MCTP1: variants seen among roughly 807,000 people sequenced by gnomAD.
MCTP1 encodes multiple C2 and transmembrane domain containing 1, also known as multiple C2 and transmembrane domain-containing protein 1.
In MCTP1, 69 loss-of-function variants were observed where a neutral mutation model predicts 120.6. That is an observed-to-expected ratio of 0.57 (90% CI 0.47 to 0.70). The LOEUF is 0.70. MCTP1 is among the 30% of genes least tolerant of loss of function. The probability of loss-of-function intolerance (pLI) is 0.00; values close to 1 mark genes in which losing one functional copy is unlikely to be tolerated. For synonymous variants in MCTP1, 529 were observed against 493.1 expected (o/e 1.07, Z -0.96); for missense variants, 1,203 against 1,248.8 (o/e 0.96, Z 0.55).
At chr5:94,764,857 A>G (rs1221045390) in intron 19 of MCTP1, among the ~76,000 whole-genome samples, 1 of 151,648 alleles carries the variant, frequency 6.6e-6, no homozygotes, top group Non-Finnish European at 1.5e-5. Context: ...AAAAAATCAA[A>G]CAAACATTGG....
intron 18 of MCTP1, among the ~76,000 whole-genome samples, chr5:94,797,855 A>T (rs1027902531): frequency 6.6e-6 from 1 of 152,150 alleles, no homozygotes; most frequent in African/African-American, 2.4e-5. Flanking sequence ...ATTATTTTGA[A>T]GAATTTTATA....
At chr5:94,888,735 G>A (rs2153384234) in intron 12 of MCTP1, 144 bp downstream of exon 12, 1 of 520,778 alleles carries the variant, frequency 1.9e-6, no homozygotes, top group Non-Finnish European at 3.4e-6. Flanking sequence ...CAGGGGGTTG[G>A]CAAATATTTC....
chr5:94,707,693 C>T (rs1177800919), intron 22 of MCTP1, 126 bp from the exon 23 acceptor site: 6 of 689,954 alleles, frequency 8.7e-6, no homozygotes, highest in Middle Eastern at 2.5e-4. Flanking sequence ...TGTATGGGAT[C>T]TGCAGCTGAG....
intron 1 of MCTP1, among the ~76,000 whole-genome samples, chr5:95,097,160 TAATC>T (rs1291585835): frequency 6.6e-6 from 1 of 152,022 alleles, no homozygotes; most frequent in Non-Finnish European, 1.5e-5. Context: ...ATTCTAAAAA[TAATC>T]AATGTTAATG....
At chr5:94,948,850 T>C (rs1435828576) in intron 3 of MCTP1, among the ~76,000 whole-genome samples, 1 of 152,140 alleles carries the variant, frequency 6.6e-6, no homozygotes, top group Non-Finnish European at 1.5e-5. Flanking sequence ...ATGAGAATCA[T>C]TGATATGTGA....
chr5:94,983,665 G>A (rs201030295), intron 2 of MCTP1, among the ~76,000 whole-genome samples: 1,348 of 17,232 alleles, frequency 0.078, 16 homozygotes, highest in African/African-American at 0.16. Flanking sequence ...CTGTCTGTCT[G>A]TCAATCTATC....
At chr5:94,929,442 C>T (rs1442096187) in intron 6 of MCTP1, among the ~76,000 whole-genome samples, 1 of 152,130 alleles carries the variant, frequency 6.6e-6, no homozygotes, top group African/African-American at 2.4e-5. Flanking sequence ...ATAGTTATAT[C>T]ATATATGAAA....
At position 94,705,933 on chromosome 5, in the gene MCTP1, TTTAA is replaced by T. The variant is rs770175646; in HGVS notation, c.*1559_*1562del. On this transcript the variant is annotated 3_prime_UTR_variant, in exon 23 of 23. Coordinates refer to ENST00000515393, the MANE Select transcript of MCTP1 (RefSeq NM_024717.7). ...TCAAAGCCTTTCTGTAGAAAGGGAA[TTTAA>T]TTGACATTCAAGCATAGTATATAAA... 1 of 151,590 alleles carries T rather than the reference TTTAA, an allele frequency of 6.6e-6. No homozygotes were observed. The highest frequency in any genetic ancestry group is 2.1e-4 in the South Asian group (1 of 4,818). The allele number at this position is 151,590 out of a possible 1,614,324, so 9.4% of individuals were successfully genotyped here.
chr5:94,810,555 T>C (rs745693462), intron 17 of MCTP1, among the ~76,000 whole-genome samples: 10 of 152,192 alleles, frequency 6.6e-5, no homozygotes, highest in Non-Finnish European at 1.3e-4. Context: ...GTAAAGTCTG[T>C]GATACAAGTT....
At chr5:94,765,565 G>T (rs1269956761) in intron 19 of MCTP1, among the ~76,000 whole-genome samples, 1 of 152,036 alleles carries the variant, frequency 6.6e-6, no homozygotes, top group Non-Finnish European at 1.5e-5. Flanking sequence ...GCCAGGTATG[G>T]TGGCATGTGC....
At chr5:95,142,414 A>G (rs1474048959) in intron 1 of MCTP1, among the ~76,000 whole-genome samples, 2 of 152,234 alleles carry the variant, frequency 1.3e-5, no homozygotes, top group East Asian at 1.9e-4. Flanking sequence ...AGATTTCTAT[A>G]TAAGGAACAA....
chr5:94,857,926 C>T (rs7721663), intron 17 of MCTP1, among the ~76,000 whole-genome samples: 5,555 of 151,636 alleles, frequency 0.037, 342 homozygotes, highest in African/African-American at 0.13. Context: ...TTTAATTTTA[C>T]GCTGGAATAA....
rs1163454804 is a variant in MCTP1 at position 95,151,147 on chromosome 5, A to ATATATATATATG, written c.720+132708_720+132709insCATATATATATA. On this transcript the variant is annotated intron_variant, in intron 1 of 22. Coordinates refer to ENST00000515393, the MANE Select transcript of MCTP1 (RefSeq NM_024717.7). Reference sequence around the variant, plus strand: ...GCCTGGCTCATATATATATATATATATATATATAGTATTTTTAGTAGAGAT... The same window carrying ATATATATATATG: ...GCCTGGCTCATATATATATATATATATATATATATATGTATATATAGTATTTTTAGTAGAGAT... Among the ~76,000 whole-genome samples, 10 of 146,870 alleles carry ATATATATATATG rather than the reference A, an allele frequency of 6.8e-5. No homozygotes were observed. The South Asian group carries it at 1.1e-3, about 16-fold the overall frequency.
Position 95,128,751 on chromosome 5 carries a change from G to A in MCTP1, c.721-111267C>T, listed in dbSNP as rs555445344. Among the ~76,000 whole-genome samples, 45 of 152,274 alleles carry A rather than the reference G, an allele frequency of 3.0e-4. 1 individual carries two copies. In the South Asian group the frequency reaches 7.7e-3, roughly 26 times the overall value. ...TGGGTGAATGAAAACATTCTAAAGC[G>A]GGTTGTGCGATCAATGCACGACTCT... On this transcript the variant is annotated intron_variant, in intron 1 of 22. Transcript: ENST00000515393.
chr5:95,090,615 C>T (rs563346128), intron 1 of MCTP1, among the ~76,000 whole-genome samples: 12 of 152,152 alleles, frequency 7.9e-5, no homozygotes, highest in Non-Finnish European at 1.3e-4. Context: ...CTCTACTCAT[C>T]GCTGCTACTT....
chr5:94,962,381 T>A (rs1824482992), intron 2 of MCTP1, among the ~76,000 whole-genome samples: 1 of 151,566 alleles, frequency 6.6e-6, no homozygotes, highest in African/African-American at 2.4e-5. Flanking sequence ...ATCGCAGAAA[T>A]GTGGAACCAA....
chr5:95,044,965 A>G (rs1842930144), intron 1 of MCTP1, among the ~76,000 whole-genome samples: 1 of 152,108 alleles, frequency 6.6e-6, no homozygotes, highest in Non-Finnish European at 1.5e-5. Flanking sequence ...GACTACGTCA[A>G]TCTCCTGCCT....
intron 1 of MCTP1, among the ~76,000 whole-genome samples, chr5:95,244,450 C>G (rs971198134): frequency 6.6e-6 from 1 of 152,162 alleles, no homozygotes; most frequent in Admixed American, 6.5e-5. Context: ...ACAGACTGTA[C>G]CTGGAGAAAT....
At chr5:94,907,600 C>A (rs2153431343) in intron 10 of MCTP1, among the ~76,000 whole-genome samples, 1 of 152,128 alleles carries the variant, frequency 6.6e-6, no homozygotes. Flanking sequence ...CCTTTAGAAA[C>A]AAAGTGAAGT....
Sources: gnomAD v4.1 joint callset for allele counts (sites outside exome capture counted in the v4.1 genomes callset) on GRCh38, gnomAD v4.1.1 for gene constraint, MANE v1.5 for transcripts, NCBI Gene and HGNC (gene_info 2026-07-23, HGNC 2026-07-21) for gene names.